The following TAFA1 variants were observed in gnomAD, a reference collection of about 807,000 sequenced individuals.
The protein encoded by TAFA1 is TAFA chemokine like family member 1.
In TAFA1, 4 loss-of-function variants were observed where a neutral mutation model predicts 18.5. The observed-to-expected ratio is 0.22, with a 90% CI of 0.11 to 0.49. The LOEUF is 0.49. Ranked by LOEUF, TAFA1 falls within the 20% of genes least tolerant of loss-of-function variation. The probability of loss-of-function intolerance (pLI) is 0.98; values close to 1 mark genes in which losing one functional copy is unlikely to be tolerated. For synonymous variants in TAFA1, 56 were observed against 55.2 expected, an observed-to-expected ratio of 1.01 and a Z score of -0.06; for missense variants, 147 against 169.0, an observed-to-expected ratio of 0.87 and a Z score of 0.72.
At chr3:68,159,032 AGCATT>A (rs2065896807) in intron 2 of TAFA1, among the ~76,000 whole-genome samples, 1 of 152,102 alleles carries the variant, frequency 6.6e-6, no homozygotes, top group East Asian at 1.9e-4. Context: ...CCACATTACA[AGCATT>A]GTTCAATTTG....
At chr3:68,419,188 T>A (rs2070908026) in intron 3 of TAFA1, among the ~76,000 whole-genome samples, 1 of 152,162 alleles carries the variant, frequency 6.6e-6, no homozygotes, top group African/African-American at 2.4e-5. Context: ...TTACTCTTTT[T>A]TATTTCCACA....
At chr3:68,305,208 C>T (rs1294524359) in intron 2 of TAFA1, among the ~76,000 whole-genome samples, 1 of 149,872 alleles carries the variant, frequency 6.7e-6, no homozygotes, top group Non-Finnish European at 1.5e-5. Context: ...TCTGTTGTCA[C>T]ATGGTGTTTT....
At chr3:68,293,225 T>C (rs1284770706) in intron 2 of TAFA1, among the ~76,000 whole-genome samples, 1 of 152,158 alleles carries the variant, frequency 6.6e-6, no homozygotes, top group East Asian at 1.9e-4. Context: ...TGGCAGCATG[T>C]TGAAATAGCA....
chr3:68,153,749 C>A lies in TAFA1; in HGVS notation c.118+147005C>A, dbSNP rs1188736569. On this transcript the variant is annotated intron_variant, in intron 2 of 4. Coordinates refer to ENST00000478136, the MANE Select transcript of TAFA1 (RefSeq NM_213609.4). ...TGACATTTTCCTTGAGCGAGAGAAC[C>A]CTGTCATATGACTCCCCTGAATTAG... Among the ~76,000 whole-genome samples the A allele has an allele frequency of 2.6e-5, 4 of 152,186 alleles. No individual in the cohort carries two copies. The East Asian group carries it at 7.7e-4, about 29-fold the overall frequency.
chr3:68,075,278 A>T (rs1317293022), intron 2 of TAFA1, among the ~76,000 whole-genome samples: 1 of 152,176 alleles, frequency 6.6e-6, no homozygotes, highest in Non-Finnish European at 1.5e-5. Context: ...GACCTCTGAG[A>T]TTCTGACTCT....
At chr3:68,283,738 C>A (rs972526737) in intron 2 of TAFA1, among the ~76,000 whole-genome samples, 1 of 152,164 alleles carries the variant, frequency 6.6e-6, no homozygotes, top group Admixed American at 6.5e-5. Context: ...TCCTACCTCA[C>A]AACACATCCC....
intron 2 of TAFA1, among the ~76,000 whole-genome samples, chr3:68,310,323 A>G (rs1035026896): frequency 6.6e-6 from 1 of 152,204 alleles, no homozygotes; most frequent in Non-Finnish European, 1.5e-5. Flanking sequence ...TACCAGTATC[A>G]GCTAAGTCAA....
intron 2 of TAFA1, among the ~76,000 whole-genome samples, chr3:68,102,665 A>T (rs1156651081): frequency 1.3e-5 from 2 of 152,230 alleles, no homozygotes; most frequent in African/African-American, 4.8e-5. Flanking sequence ...TAGGAAAAAG[A>T]TGCCTGAACT....
intron 2 of TAFA1, among the ~76,000 whole-genome samples, chr3:68,370,478 A>ATATATATATATATATATACG (rs2069677903): frequency 4.5e-5 from 1 of 22,044 alleles, no homozygotes; most frequent in Admixed American, 5.6e-4. Flanking sequence ...GTGTGTATAT[A>ATATATATATATATATATACG]TATATATATA....
intron 2 of TAFA1, among the ~76,000 whole-genome samples, chr3:68,388,130 TA>T (rs2070143604): frequency 6.6e-6 from 1 of 152,262 alleles, no homozygotes; most frequent in Non-Finnish European, 1.5e-5. Flanking sequence ...TAACTAACAT[TA>T]GAAAAATTAG....
At chr3:68,487,994 C>T (rs1199770098) in intron 3 of TAFA1, among the ~76,000 whole-genome samples, 1 of 152,040 alleles carries the variant, frequency 6.6e-6, no homozygotes, top group East Asian at 1.9e-4. Context: ...TTTACAGATG[C>T]CCCCACATAG....
chr3:68,306,775 C>T (rs2068431031), intron 2 of TAFA1, among the ~76,000 whole-genome samples: 1 of 152,098 alleles, frequency 6.6e-6, no homozygotes, highest in Admixed American at 6.6e-5. Context: ...TGCTGAATCT[C>T]CCCTACACAG....
chr3:68,429,564 A>G (rs891764030), intron 3 of TAFA1, among the ~76,000 whole-genome samples: 2 of 151,892 alleles, frequency 1.3e-5, no homozygotes, highest in African/African-American at 4.8e-5. Flanking sequence ...TAGGAGAACA[A>G]TAACACCAGT....
intron 3 of TAFA1, among the ~76,000 whole-genome samples, chr3:68,516,210 C>A (rs2072918477): frequency 6.6e-6 from 1 of 152,186 alleles, no homozygotes; most frequent in East Asian, 1.9e-4. Context: ...GAATTTAGGG[C>A]TGAATTTAGC....
intron 2 of TAFA1, among the ~76,000 whole-genome samples, chr3:68,137,813 A>C (rs1055074887): frequency 2.6e-5 from 4 of 152,194 alleles, no homozygotes; most frequent in Non-Finnish European, 4.4e-5. Context: ...GCCTTTTCCC[A>C]TAAAAACTGT....
At chr3:68,210,389 G>T (rs989160990) in intron 2 of TAFA1, among the ~76,000 whole-genome samples, 2 of 151,982 alleles carry the variant, frequency 1.3e-5, no homozygotes, top group Non-Finnish European at 2.9e-5. Flanking sequence ...AAGCTCTTGT[G>T]ATCAAGGGCT....
rs75092720 is a variant in TAFA1 at position 68,335,367 on chromosome 3, C to T, written c.119-81913C>T. Among the ~76,000 whole-genome samples the T allele has an allele frequency of 4.2e-3, 637 of 152,292 alleles. 3 individuals carry two copies. Among genetic ancestry groups the T allele is most frequent in the Non-Finnish European group, 6.4e-3 (432 of 68,028 alleles). ...ATTTGGGCTTCAACTCTGAGTCTTT[C>T]TATGGTACCACTGCCCATTTTTCCC... On this transcript the variant is annotated intron_variant, in intron 2 of 4. Transcript: ENST00000478136.
At chr3:68,455,918 A>G (rs2071655386) in intron 3 of TAFA1, among the ~76,000 whole-genome samples, 1 of 152,154 alleles carries the variant, frequency 6.6e-6, no homozygotes, top group Non-Finnish European at 1.5e-5. Flanking sequence ...TGTCACGCTT[A>G]AGGAGCCTTT....
At chr3:68,399,324 C>G (rs1177059488) in intron 2 of TAFA1, among the ~76,000 whole-genome samples, 3 of 152,022 alleles carry the variant, frequency 2.0e-5, no homozygotes, top group African/African-American at 7.3e-5. Flanking sequence ...ATTGCTGAGC[C>G]CAGGAGATTT....
Sources: gnomAD v4.1 joint callset for allele counts (sites outside exome capture counted in the v4.1 genomes callset) on GRCh38, gnomAD v4.1.1 for gene constraint, MANE v1.5 for transcripts, NCBI Gene and HGNC (gene_info 2026-07-23, HGNC 2026-07-21) for gene names.